The following EXOC6B variants were observed in gnomAD, a reference collection of about 807,000 sequenced individuals.
EXOC6B encodes the protein SEC15 homolog B.
EXOC6B carries 54 observed loss-of-function variants against 113.5 expected under a neutral mutation model. The ratio of observed to expected loss-of-function variants is 0.48; its 90% CI spans 0.38 to 0.60. The LOEUF (loss-of-function observed/expected upper bound fraction) is 0.60, where lower values mean the gene tolerates loss of function less well. Among genes scored for constraint, EXOC6B ranks in the 20% least tolerant of loss-of-function variants. The pLI, the probability that EXOC6B is intolerant of heterozygous loss-of-function variation, is 0.00. For synonymous variants in EXOC6B, 357 were observed against 339.0 expected (o/e 1.05, Z -0.58); for missense variants, 797 against 977.5 (o/e 0.82, Z 2.46).
At chr2:72,818,386 C>A (rs756841646) in intron 1 of EXOC6B, among the ~76,000 whole-genome samples, 1 of 143,442 alleles carries the variant, frequency 7.0e-6, no homozygotes, top group Non-Finnish European at 1.5e-5. Context: ...TGGTCTCGAT[C>A]TCCTGACCTC....
At chr2:72,326,662 G>C (rs1405078571) in intron 20 of EXOC6B, among the ~76,000 whole-genome samples, 3 of 152,042 alleles carry the variant, frequency 2.0e-5, no homozygotes, top group African/African-American at 4.8e-5. Context: ...CTGAAGCAGA[G>C]GGGTAGGAGA....
Position 72,324,336 on chromosome 2 carries a change from T to C in EXOC6B, c.2196+10611A>G, listed in dbSNP as rs540659278. The stretch of plus-strand genomic sequence containing the variant: ...TTAGCATTCTCAATTCCTTACTTTC[T>C]GAGAAATGGCAGGAGCCCCAGTATG... On this transcript the variant is annotated intron_variant, in intron 20 of 21. Transcript: ENST00000272427. Among the ~76,000 whole-genome samples the C allele has an allele frequency of 3.2e-3, 490 of 152,310 alleles. 4 individuals carry two copies. The highest frequency in any genetic ancestry group is 5.9e-3 in the Non-Finnish European group (400 of 68,026).
chr2:72,649,399 A>G (rs1573554290), intron 6 of EXOC6B, among the ~76,000 whole-genome samples: 1 of 152,196 alleles, frequency 6.6e-6, no homozygotes, highest in East Asian at 1.9e-4. Flanking sequence ...TTGAGGTGAC[A>G]ATGTCCCATT....
At chr2:72,486,361 T>C (rs1699420347) in intron 16 of EXOC6B, among the ~76,000 whole-genome samples, 1 of 149,538 alleles carries the variant, frequency 6.7e-6, no homozygotes, top group Admixed American at 6.7e-5. Flanking sequence ...AGAATGAGAC[T>C]CCATCTCAAA....
chr2:72,441,069 G>A (rs1023167116), intron 18 of EXOC6B, among the ~76,000 whole-genome samples: 2 of 152,026 alleles, frequency 1.3e-5, no homozygotes, highest in African/African-American at 2.4e-5. Context: ...GGCTGGTAAC[G>A]GTCTTTCCAT....
At chr2:72,461,216 G>A (rs1697640578) in intron 18 of EXOC6B, among the ~76,000 whole-genome samples, 1 of 104,926 alleles carries the variant, frequency 9.5e-6, no homozygotes, top group African/African-American at 3.6e-5. Context: ...TGTGGGGTGG[G>A]GGGAGGGGGG....
At chr2:72,519,696 C>T (rs958879078) in intron 8 of EXOC6B, among the ~76,000 whole-genome samples, 4 of 152,058 alleles carry the variant, frequency 2.6e-5, no homozygotes, top group South Asian at 4.2e-4. Flanking sequence ...ATAACTATCA[C>T]GAATAATGAG....
At chr2:72,338,687 TA>T (rs1039904696) in intron 19 of EXOC6B, among the ~76,000 whole-genome samples, 2 of 152,100 alleles carry the variant, frequency 1.3e-5, no homozygotes, top group African/African-American at 2.4e-5. Context: ...AAAATGTGAA[TA>T]TTTTTTAAAA....
chr2:72,429,352 TTAAG>T (rs1295279629), intron 18 of EXOC6B, among the ~76,000 whole-genome samples: 2 of 152,242 alleles, frequency 1.3e-5, no homozygotes, highest in African/African-American at 2.4e-5. Context: ...TTCAGGATGA[TTAAG>T]TAAGTCCTGA....
chr2:72,333,765 G>T (rs988494163), intron 20 of EXOC6B, among the ~76,000 whole-genome samples: 3 of 151,988 alleles, frequency 2.0e-5, no homozygotes, highest in African/African-American at 7.3e-5. Flanking sequence ...ACTTTGGCAG[G>T]TCTATAGACA....
intron 17 of EXOC6B, among the ~76,000 whole-genome samples, chr2:72,471,981 A>G (rs1317093702): frequency 6.6e-6 from 1 of 152,204 alleles, no homozygotes; most frequent in African/African-American, 2.4e-5. Context: ...TAAGATGACC[A>G]TATGGTTTTT....
chr2:72,588,480 C>A (rs1172070516), intron 6 of EXOC6B, among the ~76,000 whole-genome samples: 2 of 151,788 alleles, frequency 1.3e-5, no homozygotes, highest in Non-Finnish European at 2.9e-5. Flanking sequence ...AGTAGTCAGA[C>A]TAATAGAAAT....
chr2:72,530,960 A>C (rs2105753602), intron 8 of EXOC6B, among the ~76,000 whole-genome samples: 1 of 152,164 alleles, frequency 6.6e-6, no homozygotes, highest in East Asian at 1.9e-4. Context: ...CAACCTGCCT[A>C]TATCATTATA....
intron 8 of EXOC6B, among the ~76,000 whole-genome samples, chr2:72,534,189 T>C (rs186072533): frequency 3.8e-4 from 58 of 152,170 alleles, no homozygotes; most frequent in Middle Eastern, 6.8e-3. Context: ...TATAACTATG[T>C]AGGGTCAAAC....
At chr2:72,489,685 C>G (rs1029615170) in intron 16 of EXOC6B, among the ~76,000 whole-genome samples, 9 of 152,172 alleles carry the variant, frequency 5.9e-5, no homozygotes, top group Non-Finnish European at 1.2e-4. Flanking sequence ...TTAGAACATA[C>G]AGTCTTAACC....
chr2:72,628,041 T>C (rs1218569048), intron 6 of EXOC6B, among the ~76,000 whole-genome samples: 9 of 152,184 alleles, frequency 5.9e-5, no homozygotes, highest in African/African-American at 1.9e-4. Context: ...AATTTCCAAA[T>C]TTTAAACAGT....
intron 20 of EXOC6B, among the ~76,000 whole-genome samples, chr2:72,293,402 T>G (rs1685930213): frequency 6.6e-6 from 1 of 152,154 alleles, no homozygotes; most frequent in South Asian, 2.1e-4. Flanking sequence ...GGGTAACAGC[T>G]TTTCCATTTA....
At chr2:72,805,952 T>C (rs1315039240) in intron 1 of EXOC6B, among the ~76,000 whole-genome samples, 2 of 152,230 alleles carry the variant, frequency 1.3e-5, no homozygotes, top group African/African-American at 4.8e-5. Context: ...TTGTCACAAA[T>C]GACAGGATTT....
At chr2:72,816,837 C>G (rs1232383700) in intron 1 of EXOC6B, among the ~76,000 whole-genome samples, 1 of 152,204 alleles carries the variant, frequency 6.6e-6, no homozygotes, top group Non-Finnish European at 1.5e-5. Flanking sequence ...GATAACAAAT[C>G]AGCATAACCT....
Sources: gnomAD v4.1 joint callset for allele counts (sites outside exome capture counted in the v4.1 genomes callset) on GRCh38, gnomAD v4.1.1 for gene constraint, MANE v1.5 for transcripts, NCBI Gene and HGNC (gene_info 2026-07-23, HGNC 2026-07-21) for gene names.